STAT4: variants seen among roughly 807,000 people sequenced by gnomAD.
STAT4 encodes signal transducer and activator of transcription 4.
STAT4 carries 42 observed loss-of-function variants against 110.5 expected under a neutral mutation model. That is an observed-to-expected ratio of 0.38 (90% CI 0.30 to 0.49). STAT4 has a LOEUF of 0.49. Ranked by LOEUF, STAT4 falls within the 20% of genes least tolerant of loss-of-function variation. The pLI, the probability that STAT4 is intolerant of heterozygous loss-of-function variation, is 0.95. For synonymous variants in STAT4, 284 were observed against 302.2 expected (o/e 0.94, Z 0.63); for missense variants, 632 against 887.9 (o/e 0.71, Z 3.66).
chr2:191,146,505 T>C lies in STAT4; in HGVS notation c.273+108A>G. ...TTTGTAAGTGGTAAGACAACTCAATTTTCCCCTAAATTTCATTTGAAAATA... is the reference window on the plus strand; with the variant it reads ...TTTGTAAGTGGTAAGACAACTCAATCTTCCCCTAAATTTCATTTGAAAATA... On this transcript the variant is annotated intron_variant, in intron 3 of 23. Transcript: ENST00000392320. This position sits in a 1 kb window ranked among gnomAD's most constrained non-coding sequence, Gnocchi z 4.5. 9 of 1,092,132 alleles carry C rather than the reference T, an allele frequency of 8.2e-6. No individual in the cohort carries two copies. The highest frequency in any genetic ancestry group is 1.1e-5 in the Non-Finnish European group (9 of 844,388). 67.7% of individuals were successfully genotyped at this position (1,092,132 alleles called of 1,614,324 possible).
At chr2:191,097,899 T>TA (rs1304076691) in intron 3 of STAT4, among the ~76,000 whole-genome samples, 2 of 114,988 alleles carry the variant, frequency 1.7e-5, no homozygotes, top group Admixed American at 1.8e-4. Context: ...ACAAAGAACT[T>TA]AAACAAATTT....
intron 3 of STAT4, among the ~76,000 whole-genome samples, chr2:191,119,204 C>A (rs1456130786): frequency 6.6e-6 from 1 of 152,100 alleles, no homozygotes; most frequent in African/African-American, 2.4e-5. Context: ...TAATAAACGT[C>A]CAATTAGTAG....
intron 8 of STAT4, among the ~76,000 whole-genome samples, chr2:191,063,651 T>G (rs1696908827): frequency 6.6e-6 from 1 of 152,178 alleles, no homozygotes; most frequent in Admixed American, 6.5e-5. Context: ...TCTTTCTACT[T>G]TAAGTATTCC....
rs983517785 is a variant in STAT4 at position 191,064,903 on chromosome 2, G to T, written c.686C>A (p.Thr229Asn). 1.2e-6 allele frequency: 2 copies of T among 1,613,116 alleles called. No homozygotes were observed. Among genetic ancestry groups the T allele is most frequent in the Non-Finnish European group, 1.7e-6 (2 of 1,179,542 alleles). Residue 229 changes from threonine (T) to asparagine (N), a missense_variant, in exon 8 of 24, where the codon ACC becomes AAC. Transcript: ENST00000392320. ...IIHETDLLMN[T>N]MLIEELQDWK... ...GTCTTGCAGCTCTTCTATGAGCATGGTGTTCATTAACAGGTCTGTCTCATG... is the reference window on the plus strand; with the variant it reads ...GTCTTGCAGCTCTTCTATGAGCATGTTGTTCATTAACAGGTCTGTCTCATG...
chr2:191,101,014 C>CT (rs1396292127), intron 3 of STAT4, among the ~76,000 whole-genome samples: 1 of 151,960 alleles, frequency 6.6e-6, no homozygotes, highest in Non-Finnish European at 1.5e-5. Context: ...ACTTTTACCT[C>CT]TTTTAGCTTT....
chr2:191,093,574 CCATCTATAGGTCACCAG>C (rs1308971429), intron 3 of STAT4, among the ~76,000 whole-genome samples: 1 of 152,114 alleles, frequency 6.6e-6, no homozygotes, highest in Non-Finnish European at 1.5e-5. Flanking sequence ...CATCAAAACC[CCATCTATAGGTCACCAG>C]CATCAAAGAT....
chr2:191,133,674 T>G (rs1450481260), intron 3 of STAT4, among the ~76,000 whole-genome samples: 4 of 151,776 alleles, frequency 2.6e-5, no homozygotes, highest in Non-Finnish European at 5.9e-5. Context: ...CTATTTTTAT[T>G]TTTCTTAAGT....
chr2:191,118,812 G>T (rs937672308), intron 3 of STAT4, among the ~76,000 whole-genome samples: 1 of 152,184 alleles, frequency 6.6e-6, no homozygotes, highest in African/African-American at 2.4e-5. Flanking sequence ...AGGCTAGAGT[G>T]CAGTGGCTTG....
Position 191,037,746 on chromosome 2 carries a change from C to A in STAT4, c.1435-1447G>T, listed in dbSNP as rs1003546207. Among the ~76,000 whole-genome samples, 5 of 151,862 alleles carry A rather than the reference C, an allele frequency of 3.3e-5. No individual in the cohort carries two copies. The highest frequency in any genetic ancestry group is 1.2e-4 in the African/African-American group (5 of 41,294). ...GACACAGCATCCAACAAGGAATGGG[C>A]AATAGGAAGAGGAGGAATGAAGAGA... On this transcript the variant is annotated intron_variant, in intron 16 of 23. Coordinates refer to ENST00000392320, the MANE Select transcript of STAT4 (RefSeq NM_003151.4). This position sits in a 1 kb window ranked among gnomAD's most constrained non-coding sequence, Gnocchi z 4.8.
intron 17 of STAT4, 148 bp from the exon 18 acceptor site, chr2:191,034,745 C>A (rs1574694353): frequency 1.7e-6 from 1 of 599,378 alleles, no homozygotes; most frequent in East Asian, 2.9e-5. Flanking sequence ...AGGTACAGTA[C>A]AAATACAAGA....
intron 3 of STAT4, among the ~76,000 whole-genome samples, chr2:191,106,472 T>C (rs1223343632): frequency 6.6e-6 from 1 of 151,598 alleles, no homozygotes; most frequent in Non-Finnish European, 1.5e-5. Flanking sequence ...CTGGCCAACA[T>C]GGTGAAATTT....
intron 3 of STAT4, among the ~76,000 whole-genome samples, chr2:191,101,025 G>T (rs1306586648): frequency 1.3e-4 from 20 of 151,858 alleles, no homozygotes; most frequent in Admixed American, 1.3e-3. Flanking sequence ...TTTTAGCTTT[G>T]ATTTCCGCTC....
At chr2:191,044,530 G>A (rs1280002107) in intron 14 of STAT4, among the ~76,000 whole-genome samples, 1 of 152,130 alleles carries the variant, frequency 6.6e-6, no homozygotes, top group Non-Finnish European at 1.5e-5. Flanking sequence ...TACTGAAAGA[G>A]TCTCTCCAAT....
chr2:191,035,590 T>C lies in STAT4; in HGVS notation c.1570+574A>G, dbSNP rs1464856666. ...ATGTTTGGATTATAGTTGGCACATG[T>C]AGTACCAGTGACTCTATTTTGCAAA... On this transcript the variant is annotated intron_variant, in intron 17 of 23. Transcript: ENST00000392320. This position sits in a 1 kb window ranked among gnomAD's most constrained non-coding sequence, Gnocchi z 4.7. Among the ~76,000 whole-genome samples the C allele has an allele frequency of 6.6e-6, 1 of 152,268 alleles. No individual in the cohort carries two copies. Among genetic ancestry groups the C allele is most frequent in the Non-Finnish European group, 1.5e-5 (1 of 68,048 alleles).
chr2:191,036,139 A>T (rs774286784), intron 17 of STAT4, 25 bp downstream of exon 17: 27 of 1,607,462 alleles, frequency 1.7e-5, no homozygotes, highest in Non-Finnish European at 2.2e-5. Flanking sequence ...ACAGAGGCAA[A>T]TCCTCTCTAT....
At position 191,036,155 on chromosome 2, in the gene STAT4, A is replaced by G. The variant is rs766625734; in HGVS notation, c.1570+9T>C. On this transcript the variant is annotated intron_variant, in intron 17 of 23. Coordinates refer to ENST00000392320, the MANE Select transcript of STAT4 (RefSeq NM_003151.4). ...CAGAGGCAAATCCTCTCTATCTACC[A>G]GCTCTCACCTGTAAGCTTCTCTGCC... The G allele has an allele frequency of 1.2e-6, 2 of 1,613,614 alleles. No homozygotes were observed. Among genetic ancestry groups the G allele is most frequent in the South Asian group, 2.2e-5 (2 of 90,978 alleles).
chr2:191,065,621 A>G (rs1201347092), intron 7 of STAT4, among the ~76,000 whole-genome samples: 1 of 152,220 alleles, frequency 6.6e-6, no homozygotes, highest in Non-Finnish European at 1.5e-5. Flanking sequence ...GCATAAAAAT[A>G]TATAGCATAG....
rs1480559228 is a variant in STAT4 at position 191,059,681 on chromosome 2, T to A, written c.1035-912A>T. 6.6e-6 allele frequency among the ~76,000 whole-genome samples: 1 copy of A among 152,214 alleles called. No homozygotes were observed. Among genetic ancestry groups the A allele is most frequent in the Admixed American group, 6.5e-5 (1 of 15,280 alleles). ...AAATGGAAAACAGAGAATATGGCGATAAGCAGCTCACTGGCATTAGAGAAA... is the reference window on the plus strand; with the variant it reads ...AAATGGAAAACAGAGAATATGGCGAAAAGCAGCTCACTGGCATTAGAGAAA... On this transcript the variant is annotated intron_variant, in intron 10 of 23. Transcript: ENST00000392320. This position sits in a 1 kb window ranked among gnomAD's most constrained non-coding sequence, Gnocchi z 4.7.
At chr2:191,103,853 A>G (rs1334085625) in intron 3 of STAT4, among the ~76,000 whole-genome samples, 1 of 152,102 alleles carries the variant, frequency 6.6e-6, no homozygotes, top group Non-Finnish European at 1.5e-5. Context: ...TTTAATGTCT[A>G]TTATTCTCTA....
Sources: gnomAD v4.1 joint callset for allele counts (sites outside exome capture counted in the v4.1 genomes callset) on GRCh38, gnomAD v4.1.1 for gene constraint, Gnocchi (gnomAD v3.1) non-coding constraint, MANE v1.5 for transcripts, NCBI Gene and HGNC (gene_info 2026-07-23, HGNC 2026-07-21) for gene names.